The following CSMD1 variants were observed in gnomAD, a reference collection of about 807,000 sequenced individuals.
The protein encoded by CSMD1 is CUB and Sushi multiple domains 1, also known as CUB and sushi domain-containing protein 1.
In CSMD1, 213 loss-of-function variants were observed where a neutral mutation model predicts 417.5. The observed-to-expected ratio is 0.51, with a 90% CI of 0.46 to 0.57. The LOEUF is 0.57. Ranked by LOEUF, CSMD1 falls within the 20% of genes least tolerant of loss-of-function variation. CSMD1 has a pLI of 0.00. For synonymous variants in CSMD1, 2,862 were observed against 1,736.8 expected (o/e 1.65, Z -16.11); for missense variants, 6,923 against 4,529.7 (o/e 1.53, Z -15.17).
chr8:4,638,163 A>T (rs572264976), intron 1 of CSMD1, among the ~76,000 whole-genome samples: 1 of 152,348 alleles, frequency 6.6e-6, no homozygotes, highest in South Asian at 2.1e-4. Context: ...ATCAAATTTC[A>T]GTTCATGGGG....
chr8:3,670,123 C>T (rs537933405), intron 7 of CSMD1, among the ~76,000 whole-genome samples: 4 of 152,168 alleles, frequency 2.6e-5, no homozygotes, highest in African/African-American at 9.6e-5. Flanking sequence ...CTGGGTGTGT[C>T]TCTGAGGGTG....
At chr8:4,934,202 G>A (rs1266375328) in intron 1 of CSMD1, among the ~76,000 whole-genome samples, 1 of 152,126 alleles carries the variant, frequency 6.6e-6, no homozygotes, top group East Asian at 1.9e-4. Flanking sequence ...GAGCTCAGAA[G>A]CAAAGCTCCT....
At chr8:4,949,376 G>T (rs975704753) in intron 1 of CSMD1, among the ~76,000 whole-genome samples, 2 of 152,100 alleles carry the variant, frequency 1.3e-5, no homozygotes, top group Non-Finnish European at 2.9e-5. Flanking sequence ...GTGTAAAATT[G>T]CAGTCATCTA....
At chr8:4,296,112 CTT>C (rs1797667898) in intron 3 of CSMD1, among the ~76,000 whole-genome samples, 2 of 152,042 alleles carry the variant, frequency 1.3e-5, no homozygotes, top group South Asian at 4.1e-4. Context: ...GGAGAGAAAT[CTT>C]AATCAAAACC....
Position 3,314,456 on chromosome 8 carries a change from G to A in CSMD1, c.3632-5953C>T, listed in dbSNP as rs562093949. Among the ~76,000 whole-genome samples the A allele has an allele frequency of 6.6e-5, 10 of 152,106 alleles. No homozygotes were observed. The South Asian group carries it at 1.9e-3, about 28-fold the overall frequency. On this transcript the variant is annotated intron_variant, in intron 23 of 69. Transcript: ENST00000635120. ...AGCCACTAGTCTGCAATTATTCAGG[G>A]CACAAATACTGGTTCTGTATTTGCT...
chr8:3,950,647 A>G (rs1318241520), intron 5 of CSMD1, among the ~76,000 whole-genome samples: 2 of 152,158 alleles, frequency 1.3e-5, no homozygotes, highest in East Asian at 3.9e-4. Flanking sequence ...TTTCTTCATG[A>G]TGGTTAAAAA....
intron 3 of CSMD1, among the ~76,000 whole-genome samples, chr8:4,402,614 C>G (rs910745553): frequency 6.6e-6 from 1 of 152,064 alleles, no homozygotes; most frequent in Admixed American, 6.5e-5. Context: ...TACTGCTCCC[C>G]ATTCTTTAAT....
chr8:3,373,346 G>C (rs949349752), intron 18 of CSMD1: 2 of 152,236 alleles, frequency 1.3e-5, no homozygotes, highest in Non-Finnish European at 2.9e-5. Flanking sequence ...GCTGCCATCA[G>C]GAGAAAGTCA....
intron 12 of CSMD1, among the ~76,000 whole-genome samples, chr8:3,423,749 C>G (rs559746472): frequency 9.9e-5 from 15 of 152,234 alleles, no homozygotes; most frequent in African/African-American, 3.4e-4. Flanking sequence ...CGGGTGAACA[C>G]TTAGGGGTGG....
intron 1 of CSMD1, among the ~76,000 whole-genome samples, chr8:4,684,451 G>A (rs931261596): frequency 3.3e-5 from 5 of 151,942 alleles, no homozygotes; most frequent in African/African-American, 4.8e-5. Context: ...ATAATTTTTT[G>A]GTTTGTTTTG....
chr8:3,367,056 C>T lies in CSMD1; in HGVS notation c.3091G>A (p.Glu1031Lys), dbSNP rs1256304939. The change falls in exon 20 of 70, where the codon GAG becomes AAG. Residue 1031 changes from glutamate to lysine, a missense_variant. Transcript: ENST00000635120. ...CCTGAAAATGTGATATTGAAGCCCT[C>T]GTACGAAATTGAGAAGTCTGATATA... ...RFISDFSISY[E>K]GFNITFSEYD... 5.0e-6 allele frequency: 8 copies of T among 1,613,522 alleles called. No homozygotes were observed. The highest frequency in any genetic ancestry group is 1.1e-5 in the South Asian group (1 of 90,988).
In CSMD1 at chr8:3,624,756, T is replaced by C. The variant is rs536560030; in HGVS notation, c.1010-7959A>G. 2.0e-5 allele frequency among the ~76,000 whole-genome samples: 3 copies of C among 152,360 alleles called. No homozygotes were observed. In the South Asian group the frequency reaches 6.2e-4, roughly 32 times the overall value. ...GGACACTCTAGACTTCAGACCTTCC[T>C]GCTTTACTCAGTTTGAAATATGTCA... On this transcript the variant is annotated intron_variant, in intron 7 of 69. Transcript: ENST00000635120.
chr8:4,343,664 CTG>C (rs1800611228), intron 3 of CSMD1, among the ~76,000 whole-genome samples: 1 of 152,136 alleles, frequency 6.6e-6, no homozygotes. Flanking sequence ...GAGACAAAGT[CTG>C]TGTCTGGTGA....
At chr8:3,112,981 G>C (rs559041881) in intron 42 of CSMD1, 1 of 152,274 alleles carries the variant, frequency 6.6e-6, no homozygotes, top group African/African-American at 2.4e-5. Flanking sequence ...CTTTATCCTC[G>C]CTGCAGTGGC....
chr8:3,639,950 T>G (rs1273975958), intron 7 of CSMD1, among the ~76,000 whole-genome samples: 1 of 152,238 alleles, frequency 6.6e-6, no homozygotes, highest in Admixed American at 6.5e-5. Context: ...AGAAAATATT[T>G]ATCTTGTTCA....
intron 1 of CSMD1, among the ~76,000 whole-genome samples, chr8:4,892,086 T>A (rs533102175): frequency 1.3e-5 from 2 of 151,972 alleles, no homozygotes; most frequent in Non-Finnish European, 2.9e-5. Flanking sequence ...TAGGAAGAAA[T>A]AGAACTTGCT....
In CSMD1 at chr8:3,367,192, C is replaced by G. The variant is rs376056243; in HGVS notation, c.2955G>C (p.Leu985=). ...CGGAAAAACTTCCATCCTCTGTGAT[C>G]AGTAAATAGTCGTGGGAACTCTCAA... ...FHLESSHDYL[L]ITEDGSFSEP... Residue 985 remains leucine, a synonymous_variant, in exon 20 of 70, where the codon CTG becomes CTC. Coordinates refer to ENST00000635120, the MANE Select transcript of CSMD1 (RefSeq NM_033225.6). 30 of 1,613,492 alleles carry G rather than the reference C, an allele frequency of 1.9e-5. No individual in the cohort carries two copies. Among genetic ancestry groups the G allele is most frequent in the Non-Finnish European group, 2.5e-5 (29 of 1,179,744 alleles).
intron 3 of CSMD1, among the ~76,000 whole-genome samples, chr8:4,277,258 T>C (rs1796539508): frequency 6.6e-6 from 1 of 152,142 alleles, no homozygotes; most frequent in Non-Finnish European, 1.5e-5. Context: ...TTTAAGAATT[T>C]CTTATGAAGT....
intron 2 of CSMD1, among the ~76,000 whole-genome samples, chr8:4,623,658 C>T (rs1801907960): frequency 6.6e-6 from 1 of 151,884 alleles, no homozygotes; most frequent in Non-Finnish European, 1.5e-5. Flanking sequence ...AAAAAATGTA[C>T]CATTTTTATA....
Sources: allele counts gnomAD v4.1 joint callset (sites outside exome capture counted in the v4.1 genomes callset), GRCh38; gene constraint gnomAD v4.1.1; transcripts MANE v1.5; gene names NCBI Gene and HGNC (gene_info 2026-07-23, HGNC 2026-07-21).